CSMD1: variants seen among roughly 807,000 people sequenced by gnomAD.
The protein encoded by CSMD1 is CUB and sushi domain-containing protein 1.
A neutral mutation model predicts 417.5 loss-of-function variants in CSMD1; 213 were observed. The ratio of observed to expected loss-of-function variants is 0.51; its 90% CI spans 0.46 to 0.57. The LOEUF (loss-of-function observed/expected upper bound fraction) is 0.57. Among genes scored for constraint, CSMD1 ranks in the 20% least tolerant of loss-of-function variants. The pLI is 0.00. For missense variants in CSMD1, 6,923 were observed against 4,529.7 expected (o/e 1.53, Z -15.17); for synonymous variants, 2,862 against 1,736.8 (o/e 1.65, Z -16.11).
At chr8:3,913,082 T>G (rs980940150) in intron 5 of CSMD1, among the ~76,000 whole-genome samples, 12 of 151,954 alleles carry the variant, frequency 7.9e-5, no homozygotes, top group Admixed American at 3.3e-4. Context: ...GAAAGGAGCT[T>G]TTGGATGGTG....
chr8:3,431,005 C>G (rs1814185755), intron 12 of CSMD1, among the ~76,000 whole-genome samples: 1 of 152,152 alleles, frequency 6.6e-6, no homozygotes, highest in Non-Finnish European at 1.5e-5. Flanking sequence ...AATCTCTCTT[C>G]TTGGTTTTAG....
intron 2 of CSMD1, among the ~76,000 whole-genome samples, chr8:4,574,412 C>T (rs2130669646): frequency 6.6e-6 from 1 of 152,258 alleles, no homozygotes; most frequent in East Asian, 1.9e-4. Context: ...CCCGGTGAGG[C>T]AATGCCCCAC....
chr8:4,576,862 T>A (rs1799161232), intron 2 of CSMD1, among the ~76,000 whole-genome samples: 1 of 152,196 alleles, frequency 6.6e-6, no homozygotes, highest in South Asian at 2.1e-4. Context: ...CACAAATGCT[T>A]TAGTCACATA....
At chr8:4,619,517 C>T (rs1408840509) in intron 2 of CSMD1, among the ~76,000 whole-genome samples, 1 of 152,126 alleles carries the variant, frequency 6.6e-6, no homozygotes, top group Admixed American at 6.6e-5. Context: ...GTCACTAACT[C>T]TGAGTCCAAA....
chr8:4,157,740 G>A (rs1388086446), intron 3 of CSMD1, among the ~76,000 whole-genome samples: 1 of 152,192 alleles, frequency 6.6e-6, no homozygotes, highest in Non-Finnish European at 1.5e-5. Context: ...CTTTTCCTAG[G>A]AGTCAGGGCC....
intron 5 of CSMD1, among the ~76,000 whole-genome samples, chr8:3,903,465 G>C (rs978970964): frequency 6.6e-6 from 1 of 152,076 alleles, no homozygotes; most frequent in Non-Finnish European, 1.5e-5. Flanking sequence ...TTACTCTCAA[G>C]AAAGTCTAAA....
At position 4,614,211 on chromosome 8, in the gene CSMD1, G is replaced by T. The variant is rs150126682; in HGVS notation, c.302+23131C>A. Reference sequence around the variant, plus strand: ...AGAAAACAAAGGGCATTGGGGGCCAGCAAAGCAAACTGCATATTGAGGAGA... The same window carrying T: ...AGAAAACAAAGGGCATTGGGGGCCATCAAAGCAAACTGCATATTGAGGAGA... On this transcript the variant is annotated intron_variant, in intron 2 of 69. Transcript: ENST00000635120. Among the ~76,000 whole-genome samples the T allele has an allele frequency of 2.0e-4, 31 of 152,300 alleles. No individual in the cohort carries two copies. In the East Asian group the frequency reaches 5.0e-3, roughly 25 times the overall value.
chr8:4,019,336 C>A (rs1796673884), intron 4 of CSMD1, among the ~76,000 whole-genome samples: 1 of 152,144 alleles, frequency 6.6e-6, no homozygotes, highest in Non-Finnish European at 1.5e-5. Context: ...TCTTGCTTAT[C>A]TGGGAGGGAG....
intron 18 of CSMD1, chr8:3,373,801 T>G (rs548665617): frequency 6.6e-6 from 1 of 152,308 alleles, no homozygotes; most frequent in African/African-American, 2.4e-5. Context: ...ACTTTTCTAT[T>G]TATGTAACCC....
rs1460874688 is a variant in CSMD1 at position 4,160,739 on chromosome 8, G to C, written c.416-128640C>G. Among the ~76,000 whole-genome samples the C allele has an allele frequency of 4.6e-5, 7 of 152,178 alleles. No individual in the cohort carries two copies. The South Asian group carries it at 6.2e-4, about 14-fold the overall frequency. On this transcript the variant is annotated intron_variant, in intron 3 of 69. Coordinates refer to ENST00000635120, the MANE Select transcript of CSMD1 (RefSeq NM_033225.6). ...GGCAAGTTGCAATTATTTTCTATAAGGTGATACTACATTTACTCAGTCACA... is the reference window on the plus strand; with the variant it reads ...GGCAAGTTGCAATTATTTTCTATAACGTGATACTACATTTACTCAGTCACA...
intron 3 of CSMD1, among the ~76,000 whole-genome samples, chr8:4,288,641 T>C (rs764567031): frequency 3.6e-4 from 55 of 152,206 alleles, no homozygotes; most frequent in Non-Finnish European, 7.1e-4. Context: ...TGCCACCAAC[T>C]CTGCCGCCCT....
chr8:4,366,477 G>A (rs143268722), intron 3 of CSMD1, among the ~76,000 whole-genome samples: 2 of 152,120 alleles, frequency 1.3e-5, no homozygotes, highest in Admixed American at 6.5e-5. Context: ...TAGTAGTCCT[G>A]TTTTAAGTTC....
At chr8:4,004,830 C>T (rs1043185788) in intron 4 of CSMD1, among the ~76,000 whole-genome samples, 14 of 151,998 alleles carry the variant, frequency 9.2e-5, no homozygotes, top group South Asian at 6.2e-4. Flanking sequence ...CTGTAAGCTC[C>T]GCCTCCCGGG....
chr8:4,739,740 C>G (rs1810478213), intron 1 of CSMD1, among the ~76,000 whole-genome samples: 1 of 152,036 alleles, frequency 6.6e-6, no homozygotes, highest in African/African-American at 2.4e-5. Context: ...GTACTTTGCT[C>G]CCTATCCCTT....
chr8:3,404,865 TATCTA>T (rs1320727706), intron 15 of CSMD1, among the ~76,000 whole-genome samples: 2 of 152,216 alleles, frequency 1.3e-5, no homozygotes, highest in African/African-American at 2.4e-5. Flanking sequence ...CTTCATGATT[TATCTA>T]ATCAGTCCTC....
chr8:3,945,371 A>T (rs1313510690), intron 5 of CSMD1, among the ~76,000 whole-genome samples: 1 of 152,112 alleles, frequency 6.6e-6, no homozygotes, highest in African/African-American at 2.4e-5. Context: ...CATAAAGGTA[A>T]CAAACCTGCA....
chr8:3,351,598 CAAAAA>C (rs10718608), intron 21 of CSMD1, among the ~76,000 whole-genome samples: 1 of 124,266 alleles, frequency 8.0e-6, no homozygotes, highest in African/African-American at 3.0e-5. Flanking sequence ...GACTCTGTTT[CAAAAA>C]AAAAAAAAAA....
At chr8:4,611,045 G>A (rs1288285445) in intron 2 of CSMD1, among the ~76,000 whole-genome samples, 2 of 150,640 alleles carry the variant, frequency 1.3e-5, no homozygotes, top group Admixed American at 6.6e-5. Context: ...TTTCTTTTTG[G>A]TCTATTTACA....
chr8:3,123,719 G>GTGCCT (rs1817339148), intron 41 of CSMD1, among the ~76,000 whole-genome samples: 1 of 152,160 alleles, frequency 6.6e-6, no homozygotes, highest in Non-Finnish European at 1.5e-5. Context: ...CGAATTAGCA[G>GTGCCT]TGCCTTGGAA....
Sources: allele counts gnomAD v4.1 joint callset (sites outside exome capture counted in the v4.1 genomes callset), GRCh38; gene constraint gnomAD v4.1.1; transcripts MANE v1.5; gene names NCBI Gene and HGNC (gene_info 2026-07-23, HGNC 2026-07-21).